NRG3: variants seen among roughly 807,000 people sequenced by gnomAD.
NRG3 encodes the protein neuregulin 3.
In NRG3, 31 loss-of-function variants were observed where a neutral mutation model predicts 66.9. The ratio of observed to expected loss-of-function variants is 0.46; its 90% CI spans 0.35 to 0.63. NRG3 has a LOEUF of 0.63. Ranked by LOEUF, NRG3 falls within the 20% of genes least tolerant of loss-of-function variation. The pLI is 0.00. For missense variants in NRG3, 910 were observed against 878.9 expected (o/e 1.04, Z -0.45); for synonymous variants, 393 against 359.4 (o/e 1.09, Z -1.06).
chr10:82,698,140 G>A, intron 2 of NRG3, among the ~76,000 whole-genome samples: 1 of 151,894 alleles, frequency 6.6e-6, no homozygotes, highest in East Asian at 1.9e-4. Flanking sequence ...TGTAAATAAG[G>A]AGAACCCAAA....
At chr10:82,585,697 A>G (rs1479339234) in intron 2 of NRG3, among the ~76,000 whole-genome samples, 1 of 151,950 alleles carries the variant, frequency 6.6e-6, no homozygotes, top group Admixed American at 6.6e-5. Flanking sequence ...TCTCACCTAC[A>G]CTCTCTAAGC....
chr10:82,341,382 A>T (rs904618828), intron 1 of NRG3, among the ~76,000 whole-genome samples: 1 of 151,990 alleles, frequency 6.6e-6, no homozygotes, highest in Non-Finnish European at 1.5e-5. Context: ...TTGCCTTTCT[A>T]TGGATGAGGT....
intron 2 of NRG3, among the ~76,000 whole-genome samples, chr10:82,362,557 T>TG (rs1450167234): frequency 6.9e-6 from 1 of 144,382 alleles, no homozygotes; most frequent in Non-Finnish European, 1.5e-5. Context: ...GGTTTTTTTT[T>TG]TTTTTTTTTT....
At chr10:82,336,815 A>G (rs2082414474) in intron 1 of NRG3, among the ~76,000 whole-genome samples, 1 of 152,196 alleles carries the variant, frequency 6.6e-6, no homozygotes, top group South Asian at 2.1e-4. Flanking sequence ...ATTTCTGCAA[A>G]TGGAGAGATA....
chr10:82,979,492 T>C (rs923624444), intron 8 of NRG3, among the ~76,000 whole-genome samples: 1 of 152,218 alleles, frequency 6.6e-6, no homozygotes, highest in Non-Finnish European at 1.5e-5. Flanking sequence ...CTCTGATAAG[T>C]ATTGTGAACA....
chr10:81,877,382 A>C (rs1841766577), intron 1 of NRG3, among the ~76,000 whole-genome samples: 1 of 152,210 alleles, frequency 6.6e-6, no homozygotes, highest in Middle Eastern at 3.4e-3. Context: ...TTTTGCAAAA[A>C]ACTGTCTGGT....
intron 1 of NRG3, among the ~76,000 whole-genome samples, chr10:82,145,644 G>C (rs2070190332): frequency 6.6e-6 from 1 of 152,138 alleles, no homozygotes; most frequent in Non-Finnish European, 1.5e-5. Flanking sequence ...AATTGTTGAT[G>C]TACGCTGTGT....
At chr10:82,455,009 GC>G (rs1293116060) in intron 2 of NRG3, among the ~76,000 whole-genome samples, 1 of 152,076 alleles carries the variant, frequency 6.6e-6, no homozygotes, top group Non-Finnish European at 1.5e-5. Flanking sequence ...TTAGTAATTT[GC>G]CCAAGGTCAT....
intron 4 of NRG3, among the ~76,000 whole-genome samples, chr10:82,945,015 A>G: frequency 6.6e-6 from 1 of 152,182 alleles, no homozygotes; most frequent in Middle Eastern, 3.2e-3. Context: ...GAGAAACACC[A>G]CAAGTCCCCA....
intron 1 of NRG3, among the ~76,000 whole-genome samples, chr10:82,348,693 T>C (rs949822598): frequency 4.0e-5 from 6 of 150,726 alleles, no homozygotes; most frequent in African/African-American, 1.5e-4. Flanking sequence ...TCCCCATCAC[T>C]TTCAGGTACA....
chr10:82,895,052 G>A (rs1475329914), intron 4 of NRG3, among the ~76,000 whole-genome samples: 2 of 152,142 alleles, frequency 1.3e-5, no homozygotes, highest in Non-Finnish European at 2.9e-5. Context: ...CTTCATCCGT[G>A]TGCCTGCAAA....
At chr10:81,953,016 A>G (rs142525840) in intron 1 of NRG3, among the ~76,000 whole-genome samples, 435 of 152,182 alleles carry the variant, frequency 2.9e-3, no homozygotes, top group Non-Finnish European at 4.5e-3. Flanking sequence ...CAAGTTGGTC[A>G]CCTGCAATTT....
intron 2 of NRG3, among the ~76,000 whole-genome samples, chr10:82,425,970 A>C (rs113232199): frequency 1.5e-3 from 221 of 152,230 alleles, no homozygotes; most frequent in African/African-American, 5.0e-3. Context: ...TTTAGTGAAC[A>C]TGTGTCCCTG....
At chr10:82,118,018 G>A (rs995676108) in intron 1 of NRG3, among the ~76,000 whole-genome samples, 3 of 151,992 alleles carry the variant, frequency 2.0e-5, no homozygotes, top group Non-Finnish European at 2.9e-5. Context: ...GAAGAGGGCC[G>A]GTAGCACCAA....
intron 2 of NRG3, among the ~76,000 whole-genome samples, chr10:82,376,767 A>G (rs1444281900): frequency 6.6e-6 from 1 of 152,194 alleles, no homozygotes; most frequent in East Asian, 1.9e-4. Context: ...CATGTTTACA[A>G]GCTTTCTGAT....
In NRG3 at chr10:82,259,443, C is replaced by G. The variant is rs1393809390; in HGVS notation, c.824-99296C>G. 2.6e-5 allele frequency among the ~76,000 whole-genome samples: 4 copies of G among 152,066 alleles called. No individual in the cohort carries two copies. In the South Asian group the frequency reaches 8.3e-4, roughly 32 times the overall value. On this transcript the variant is annotated intron_variant, in intron 1 of 8. Coordinates refer to ENST00000372141, the MANE Select transcript of NRG3 (RefSeq NM_001010848.4). The stretch of plus-strand genomic sequence containing the variant: ...AGTCTGTGCAGAGTAACCTTGAATT[C>G]AGGATGTTTATGAAAATTCCAGCAC...
At chr10:82,228,305 TG>T (rs778187778) in intron 1 of NRG3, among the ~76,000 whole-genome samples, 126 of 152,340 alleles carry the variant, frequency 8.3e-4, no homozygotes, top group Non-Finnish European at 1.3e-3. Context: ...TGGGGCTTTT[TG>T]TAAATGTGAG....
chr10:82,074,000 T>A (rs2064950948), intron 1 of NRG3, among the ~76,000 whole-genome samples: 1 of 152,052 alleles, frequency 6.6e-6, no homozygotes, highest in Non-Finnish European at 1.5e-5. Flanking sequence ...ACGAGTATAT[T>A]TTTGTGAGTA....
At position 82,913,796 on chromosome 10, in the gene NRG3, G is replaced by A. The variant is rs1172743597; in HGVS notation, c.1055-37673G>A. Reference sequence around the variant, plus strand: ...ATGCATAATGTAGAGTATTTTCCATGGTTGGTATTCTCCAGCTTCCTGGAT... The same window carrying A: ...ATGCATAATGTAGAGTATTTTCCATAGTTGGTATTCTCCAGCTTCCTGGAT... On this transcript the variant is annotated intron_variant, in intron 4 of 8. Coordinates refer to ENST00000372141, the MANE Select transcript of NRG3 (RefSeq NM_001010848.4). Among the ~76,000 whole-genome samples, 4 of 152,204 alleles carry A rather than the reference G, an allele frequency of 2.6e-5. No individual in the cohort carries two copies. In the East Asian group the frequency reaches 5.8e-4, roughly 22 times the overall value.
Sources: gnomAD v4.1 joint callset for allele counts (sites outside exome capture counted in the v4.1 genomes callset) on GRCh38, gnomAD v4.1.1 for gene constraint, MANE v1.5 for transcripts, NCBI Gene and HGNC (gene_info 2026-07-23, HGNC 2026-07-21) for gene names.